FMN2: variants seen among roughly 807,000 people sequenced by gnomAD.
The protein encoded by FMN2 is formin-2.
In FMN2, 51 loss-of-function variants were observed where a neutral mutation model predicts 142.3. That is an observed-to-expected ratio of 0.36 (90% CI 0.29 to 0.45). The LOEUF is 0.45. Ranked by LOEUF, FMN2 falls within the 20% of genes least tolerant of loss-of-function variation. The probability of loss-of-function intolerance (pLI) is 1.00; values close to 1 mark genes in which losing one functional copy is unlikely to be tolerated. For synonymous variants in FMN2, 882 were observed against 869.8 expected (o/e 1.01, Z -0.25); for missense variants, 1,936 against 2,122.8 (o/e 0.91, Z 1.73).
intron 1 of FMN2, 76 bp downstream of exon 1, chr1:240,093,800 C>T (rs2103161033): frequency 1.8e-6 from 2 of 1,096,820 alleles, no homozygotes; most frequent in Non-Finnish European, 2.3e-6. Flanking sequence ...ACCCGCCCTC[C>T]CTGGGCTCTG....
chr1:240,144,059 A>T, intron 2 of FMN2: 1 of 1,097,606 alleles, frequency 9.1e-7, no homozygotes, highest in Non-Finnish European at 1.4e-6. Flanking sequence ...TCCTGACTTA[A>T]TGTAGTCCTC....
intron 2 of FMN2, among the ~76,000 whole-genome samples, chr1:240,127,592 C>T (rs1662566887): frequency 1.3e-5 from 2 of 151,866 alleles, no homozygotes; most frequent in Non-Finnish European, 2.9e-5. Flanking sequence ...ATCCTTCCAC[C>T]TCACCCTTCC....
rs550586678 is a variant in FMN2 at position 240,191,675 on chromosome 1, A to G, written c.1986+3413A>G. 6.6e-5 allele frequency among the ~76,000 whole-genome samples: 10 copies of G among 152,344 alleles called. No homozygotes were observed. The East Asian group carries it at 1.3e-3, about 21-fold the overall frequency. On this transcript the variant is annotated intron_variant, in intron 4 of 17. Coordinates refer to ENST00000319653, the MANE Select transcript of FMN2 (RefSeq NM_020066.5). The stretch of plus-strand genomic sequence containing the variant: ...TTAGTGTCAATTATTTTATCTAAGA[A>G]CATTTGCTTCTAAGTTAAAGATTGG...
At chr1:240,340,189 G>T (rs1041946916) in intron 13 of FMN2, among the ~76,000 whole-genome samples, 1 of 151,974 alleles carries the variant, frequency 6.6e-6, no homozygotes, top group African/African-American at 2.4e-5. Flanking sequence ...TAACATTTAT[G>T]AATATATTTA....
chr1:240,472,329 C>A, intron 16 of FMN2, 43 bp from the exon 17 acceptor site: 1 of 1,449,672 alleles, frequency 6.9e-7, no homozygotes, highest in South Asian at 1.2e-5. Context: ...ATGAGGTGAT[C>A]TAAGTAGGTT....
intron 11 of FMN2, among the ~76,000 whole-genome samples, chr1:240,332,846 G>A (rs2103017433): frequency 6.6e-6 from 1 of 152,242 alleles, no homozygotes; most frequent in Non-Finnish European, 1.5e-5. Flanking sequence ...AGCATGCCTA[G>A]TTTTGTTAAT....
At chr1:240,110,073 G>A (rs1365063352) in intron 1 of FMN2, among the ~76,000 whole-genome samples, 1 of 152,124 alleles carries the variant, frequency 6.6e-6, no homozygotes, top group Non-Finnish European at 1.5e-5. Flanking sequence ...TCCTTCTTGG[G>A]CTTTGGTTGT....
rs12722816 is a variant in FMN2 at position 240,328,102 on chromosome 1, G to T, written c.4216-974G>T. 3.5e-5 allele frequency among the ~76,000 whole-genome samples: 5 copies of T among 140,966 alleles called. No individual in the cohort carries two copies. In the East Asian group the frequency reaches 8.4e-4, roughly 24 times the overall value. 92.5% of individuals were successfully genotyped at this position (140,966 alleles called of 152,430 possible). On this transcript the variant is annotated intron_variant, in intron 8 of 17. Coordinates refer to ENST00000319653, the MANE Select transcript of FMN2 (RefSeq NM_020066.5). ...GGCGCAGGTTGTAGTGAGCAGATGTGGCGCCATTGTACTCCCACCTGGGTG... is the reference window on the plus strand; with the variant it reads ...GGCGCAGGTTGTAGTGAGCAGATGTTGCGCCATTGTACTCCCACCTGGGTG...
At chr1:240,112,948 T>C (rs1391624052) in intron 1 of FMN2, among the ~76,000 whole-genome samples, 2 of 152,180 alleles carry the variant, frequency 1.3e-5, no homozygotes, top group African/African-American at 2.4e-5. Context: ...TTTTGGCAAA[T>C]TGACTTAGTG....
At chr1:240,361,137 ATGTGTATATATAT>A (rs1558452454) in intron 14 of FMN2, among the ~76,000 whole-genome samples, 1,616 of 121,106 alleles carry the variant, frequency 0.013, 24 homozygotes, top group South Asian at 0.032. Flanking sequence ...AAATAAATAT[ATGTGTATATATAT>A]ATATATATAT....
intron 6 of FMN2, among the ~76,000 whole-genome samples, chr1:240,220,679 G>A (rs538973520): frequency 1.3e-3 from 197 of 151,942 alleles, no homozygotes; most frequent in African/African-American, 4.7e-3. Flanking sequence ...GTGTGTGTGT[G>A]TGTGTGTGTG....
At chr1:240,201,701 AC>A (rs1256935606) in intron 4 of FMN2, among the ~76,000 whole-genome samples, 1 of 152,164 alleles carries the variant, frequency 6.6e-6, no homozygotes, top group Admixed American at 6.5e-5. Flanking sequence ...TGACACCCTT[AC>A]TTAATTTTTA....
chr1:240,398,538 G>C (rs1037056766), intron 15 of FMN2, among the ~76,000 whole-genome samples: 1 of 152,070 alleles, frequency 6.6e-6, no homozygotes, highest in Admixed American at 6.6e-5. Flanking sequence ...ATTAAACAAT[G>C]AACCCCAAAA....
chr1:240,375,933 G>A (rs1393790443), intron 14 of FMN2, among the ~76,000 whole-genome samples: 4 of 151,998 alleles, frequency 2.6e-5, no homozygotes, highest in Non-Finnish European at 4.4e-5. Flanking sequence ...GTCAGTTGGG[G>A]AATTTTGTCT....
intron 2 of FMN2, chr1:240,144,227 G>C (rs1663332929): frequency 7.7e-6 from 12 of 1,549,434 alleles, no homozygotes; most frequent in Non-Finnish European, 1.1e-5. Flanking sequence ...TTAAACAAAA[G>C]CTGCATTCAC....
chr1:240,134,331 A>T (rs1662853517), intron 2 of FMN2, among the ~76,000 whole-genome samples: 2 of 152,184 alleles, frequency 1.3e-5, no homozygotes, highest in South Asian at 4.1e-4. Context: ...TCTTGAAAAC[A>T]CTTGGACTGG....
intron 8 of FMN2, among the ~76,000 whole-genome samples, chr1:240,316,968 A>C (rs563826373): frequency 6.6e-6 from 1 of 152,102 alleles, no homozygotes. Flanking sequence ...GTACAGTTCT[A>C]TGCACTCGTG....
chr1:240,314,984 C>T (rs1324419152), intron 8 of FMN2, among the ~76,000 whole-genome samples: 1 of 152,192 alleles, frequency 6.6e-6, no homozygotes, highest in Non-Finnish European at 1.5e-5. Context: ...ACAGTTTCTT[C>T]TGACACACAT....
At chr1:240,189,333 A>T (rs1359018735) in intron 4 of FMN2, among the ~76,000 whole-genome samples, 1 of 152,180 alleles carries the variant, frequency 6.6e-6, no homozygotes, top group Non-Finnish European at 1.5e-5. Context: ...CAGTAAAAAG[A>T]TGTGTTCTGT....
Sources: gnomAD v4.1 joint callset for allele counts (sites outside exome capture counted in the v4.1 genomes callset) on GRCh38, gnomAD v4.1.1 for gene constraint, MANE v1.5 for transcripts, NCBI Gene and HGNC (gene_info 2026-07-23, HGNC 2026-07-21) for gene names.